The following NECTIN1 variants were observed in gnomAD, a reference collection of about 807,000 sequenced individuals.
NECTIN1 encodes nectin cell adhesion molecule 1, also known as nectin-1.
Under a neutral mutation model 48.0 loss-of-function variants are expected in NECTIN1, and 23 were observed. The observed-to-expected ratio is 0.48, with a 90% CI of 0.34 to 0.68. The LOEUF (loss-of-function observed/expected upper bound fraction) is 0.68, where lower values mean the gene tolerates loss of function less well. Among genes scored for constraint, NECTIN1 ranks in the 30% least tolerant of loss-of-function variants. NECTIN1 has a pLI of 0.01. For synonymous variants in NECTIN1, 270 were observed against 288.9 expected (o/e 0.93, Z 0.66); for missense variants, 591 against 709.9 (o/e 0.83, Z 1.90).
At chr11:119,696,661 TG>T (rs1408185941) in intron 1 of NECTIN1, among the ~76,000 whole-genome samples, 2 of 152,062 alleles carry the variant, frequency 1.3e-5, no homozygotes, top group Non-Finnish European at 2.9e-5. Flanking sequence ...GTCCCATTTC[TG>T]AGGACACAGG....
At chr11:119,728,411 T>C in intron 1 of NECTIN1, 64 bp downstream of exon 1, 1 of 1,471,306 alleles carries the variant, frequency 6.8e-7, no homozygotes, top group Non-Finnish European at 9.3e-7. Context: ...GTGCCCGCCA[T>C]CCGGCTCCCA....
chr11:119,712,827 C>T (rs1396013750), intron 1 of NECTIN1: 1 of 152,290 alleles, frequency 6.6e-6, no homozygotes, highest in Non-Finnish European at 1.5e-5. Context: ...CAGGTCCCCG[C>T]TCACGTGCAT....
intron 1 of NECTIN1, among the ~76,000 whole-genome samples, chr11:119,706,960 A>T (rs1865558183): frequency 6.6e-6 from 1 of 152,080 alleles, no homozygotes; most frequent in Non-Finnish European, 1.5e-5. Flanking sequence ...AGGGAACCCA[A>T]ATCTGCCCCT....
At chr11:119,715,786 T>A (rs1865733090) in intron 1 of NECTIN1, among the ~76,000 whole-genome samples, 1 of 152,252 alleles carries the variant, frequency 6.6e-6, no homozygotes, top group African/African-American at 2.4e-5. Context: ...CCTAGCTCCA[T>A]CTCTCCACCA....
intron 5 of NECTIN1, among the ~76,000 whole-genome samples, chr11:119,647,161 ATGTGTGTG>A (rs58590467): frequency 0.029 from 2,461 of 84,698 alleles, 52 homozygotes; most frequent in Admixed American, 0.081. Flanking sequence ...CTTGCGGCGC[ATGTGTGTG>A]TGTGTGTGTG....
At chr11:119,638,570 G>C (rs1864271668) in intron 7 of NECTIN1, among the ~76,000 whole-genome samples, 1 of 152,166 alleles carries the variant, frequency 6.6e-6, no homozygotes, top group Admixed American at 6.5e-5. Flanking sequence ...CTCTTAGGGT[G>C]AGGCAGATGG....
At chr11:119,639,909 C>T (rs773103055) in exon 6 of NECTIN1, 22 of 1,614,064 alleles carry the variant, frequency 1.4e-5, no homozygotes, top group Middle Eastern at 1.6e-4. Flanking sequence ...GCCGGTTGTA[C>T]AGGAAGAAGA....
In NECTIN1 at chr11:119,664,416, C is replaced by G. The variant is rs908456477; in HGVS notation, c.*331G>C. On this transcript the variant is annotated 3_prime_UTR_variant, in exon 6 of 6. Transcript: ENST00000264025. Reference sequence around the variant, plus strand: ...GGGCGGGGGAGGCTGGCTCCCCAAACCCTGGAGGGATGCCCAGGTACACAA... The same window carrying G: ...GGGCGGGGGAGGCTGGCTCCCCAAAGCCTGGAGGGATGCCCAGGTACACAA... 7.1e-4 allele frequency: 795 copies of G among 1,125,830 alleles called. No individual in the cohort carries two copies. The highest frequency in any genetic ancestry group is 8.1e-4 in the Non-Finnish European group (741 of 917,862). The allele number at this position is 1,125,830 out of a possible 1,614,324, so 69.7% of individuals were successfully genotyped here. A position where few individuals can be genotyped will look rare whatever the true frequency, so the allele number is the denominator to read the frequency against.
chr11:119,706,260 G>A (rs996090692), intron 1 of NECTIN1, among the ~76,000 whole-genome samples: 14 of 152,284 alleles, frequency 9.2e-5, no homozygotes, highest in African/African-American at 2.6e-4. Flanking sequence ...CCAGCGGACC[G>A]ACAGCCCAAG....
intron 1 of NECTIN1, among the ~76,000 whole-genome samples, chr11:119,695,448 A>G (rs1865326064): frequency 6.6e-6 from 1 of 151,078 alleles, no homozygotes; most frequent in Non-Finnish European, 1.5e-5. Context: ...CCTGGCACAC[A>G]GTGTTGGCTG....
intron 1 of NECTIN1, among the ~76,000 whole-genome samples, chr11:119,724,376 C>A (rs536186096): frequency 1.3e-5 from 2 of 152,134 alleles, no homozygotes; most frequent in African/African-American, 2.4e-5. Context: ...ATATCTCTCC[C>A]GGTGTGGTCA....
chr11:119,667,922 C>T (rs1163984699), intron 5 of NECTIN1, among the ~76,000 whole-genome samples: 2 of 152,144 alleles, frequency 1.3e-5, no homozygotes, highest in Non-Finnish European at 2.9e-5. Flanking sequence ...CTCAAAGGGT[C>T]AGCAAAAATA....
At chr11:119,638,379 G>A in intron 7 of NECTIN1, 1 of 1,226,138 alleles carries the variant, frequency 8.2e-7, no homozygotes, top group Non-Finnish European at 1.2e-6. Context: ...CCACACTGGT[G>A]ACTGTCTTGG....
At chr11:119,695,550 G>A (rs1321492989) in intron 1 of NECTIN1, among the ~76,000 whole-genome samples, 1 of 152,228 alleles carries the variant, frequency 6.6e-6, no homozygotes, top group Admixed American at 6.5e-5. Context: ...TCTGCTGGAT[G>A]AACTGAGAGC....
chr11:119,686,454 C>T (rs1333926382), intron 1 of NECTIN1, among the ~76,000 whole-genome samples: 1 of 152,188 alleles, frequency 6.6e-6, no homozygotes. Context: ...CTGCCTCCAG[C>T]TCCACCCTGA....
rs1413697319 is a variant in NECTIN1 at position 119,664,620 on chromosome 11, G to A, written c.*127C>T. ...GGCTCCCCTGGCCCCCCAGGAGTTC[G>A]GGGCTGGCTTTGGGCAGCTGGGCAA... On this transcript the variant is annotated 3_prime_UTR_variant, in exon 6 of 6. Coordinates refer to ENST00000264025, the MANE Select transcript of NECTIN1 (RefSeq NM_002855.5). 13 of 1,444,244 alleles carry A rather than the reference G, an allele frequency of 9.0e-6. No individual in the cohort carries two copies. Among genetic ancestry groups the A allele is most frequent in the South Asian group, 3.0e-5 (2 of 66,962 alleles). 89.5% of individuals were successfully genotyped at this position (1,444,244 alleles called of 1,614,324 possible).
chr11:119,674,587 T>A (rs375452301), intron 5 of NECTIN1: 1 of 1,614,194 alleles, frequency 6.2e-7, no homozygotes, highest in Non-Finnish European at 8.5e-7. Context: ...AGGTGAAGTC[T>A]CTCCTCAGAA....
intron 1 of NECTIN1, among the ~76,000 whole-genome samples, chr11:119,688,068 G>T (rs1865190710): frequency 6.6e-6 from 1 of 152,186 alleles, no homozygotes; most frequent in Admixed American, 6.5e-5. Flanking sequence ...CGCTGACTTT[G>T]AATTCAGATA....
intron 1 of NECTIN1, among the ~76,000 whole-genome samples, chr11:119,721,758 G>A (rs1392813215): frequency 6.6e-6 from 1 of 152,242 alleles, no homozygotes; most frequent in Non-Finnish European, 1.5e-5. Flanking sequence ...TCACACCTCA[G>A]GGGCCCTGCC....
Sources: gnomAD v4.1 joint callset for allele counts (sites outside exome capture counted in the v4.1 genomes callset) on GRCh38, gnomAD v4.1.1 for gene constraint, MANE v1.5 for transcripts, NCBI Gene and HGNC (gene_info 2026-07-23, HGNC 2026-07-21) for gene names.